The following HS6ST3 variants were observed in gnomAD, a reference collection of about 807,000 sequenced individuals.
The protein encoded by HS6ST3 is heparan sulfate 6-O-sulfotransferase 3, also known as heparan-sulfate 6-O-sulfotransferase 3.
HS6ST3 carries 12 observed loss-of-function variants against 36.7 expected under a neutral mutation model. The ratio of observed to expected loss-of-function variants is 0.33; its 90% confidence interval spans 0.21 to 0.53. The LOEUF (loss-of-function observed/expected upper bound fraction) is 0.53. Among genes scored for constraint, HS6ST3 ranks in the 20% least tolerant of loss-of-function variants. The pLI is 0.95. For synonymous variants in HS6ST3, 240 were observed against 257.5 expected (o/e 0.93, Z 0.65); for missense variants, 584 against 640.9 (o/e 0.91, Z 0.96).
intron 1 of HS6ST3, among the ~76,000 whole-genome samples, chr13:96,399,264 C>T (rs559664888): frequency 6.6e-6 from 1 of 152,062 alleles, no homozygotes; most frequent in Non-Finnish European, 1.5e-5. Flanking sequence ...TTAAAAAGTG[C>T]TATTCATAGT....
intron 1 of HS6ST3, among the ~76,000 whole-genome samples, chr13:96,282,951 G>C (rs147267951): frequency 5.9e-4 from 90 of 152,256 alleles, no homozygotes; most frequent in Non-Finnish European, 1.1e-3. Flanking sequence ...GGTTACCTAA[G>C]AGCAACATTG....
chr13:96,641,376 A>T (rs2056569574), intron 1 of HS6ST3, among the ~76,000 whole-genome samples: 1 of 151,290 alleles, frequency 6.6e-6, no homozygotes, highest in African/African-American at 2.4e-5. Flanking sequence ...TTAAATACTG[A>T]TTTTTTATAC....
intron 1 of HS6ST3, among the ~76,000 whole-genome samples, chr13:96,332,998 G>A (rs781630114): frequency 5.9e-5 from 9 of 152,150 alleles, no homozygotes; most frequent in Admixed American, 2.0e-4. Flanking sequence ...TAGAAAGCAG[G>A]TCCTCCTTAG....
rs117232114 is a variant in HS6ST3 at position 96,812,508 on chromosome 13, T to A, written c.708-19982T>A. On this transcript the variant is annotated intron_variant, in intron 1 of 1. Transcript: ENST00000376705. ...TGTTACCGAGCAAAACCAGCCCTCC[T>A]GAAAAGAGCTCTAAAGTTGACTCTT... 6.2e-3 allele frequency among the ~76,000 whole-genome samples: 951 copies of A among 152,298 alleles called. 5 individuals carry two copies. Among genetic ancestry groups the A allele is most frequent in the Middle Eastern group, 0.014 (4 of 294 alleles).
At chr13:96,409,055 A>C (rs932189127) in intron 1 of HS6ST3, among the ~76,000 whole-genome samples, 6 of 152,258 alleles carry the variant, frequency 3.9e-5, no homozygotes, top group Admixed American at 2.0e-4. Flanking sequence ...AGGGATTCTG[A>C]GTAAACTGTA....
chr13:96,773,578 G>A (rs938648155), intron 1 of HS6ST3, among the ~76,000 whole-genome samples: 3 of 152,202 alleles, frequency 2.0e-5, no homozygotes, highest in Non-Finnish European at 4.4e-5. Context: ...CAACGGGGCA[G>A]AACCCACAGC....
intron 1 of HS6ST3, among the ~76,000 whole-genome samples, chr13:96,341,211 A>G (rs61966940): frequency 0.084 from 12,783 of 152,266 alleles, 581 homozygotes; most frequent in Middle Eastern, 0.12. Context: ...TCTTCAATGT[A>G]TAGATTAAAA....
intron 1 of HS6ST3, among the ~76,000 whole-genome samples, chr13:96,823,981 T>TATCCAAGTGGGGG (rs1200222653): frequency 1.3e-5 from 2 of 152,206 alleles, no homozygotes; most frequent in African/African-American, 4.8e-5. Context: ...CATTATTGCG[T>TATCCAAGTGGGGG]ATCCAAGTGG....
chr13:96,460,170 C>T (rs2055776977), intron 1 of HS6ST3, among the ~76,000 whole-genome samples: 3 of 152,002 alleles, frequency 2.0e-5, no homozygotes, highest in Admixed American at 1.3e-4. Context: ...AGAATTGAAC[C>T]ATTTTTCTAT....
At chr13:96,434,397 C>T (rs931858811) in intron 1 of HS6ST3, among the ~76,000 whole-genome samples, 1 of 152,152 alleles carries the variant, frequency 6.6e-6, no homozygotes, top group Non-Finnish European at 1.5e-5. Context: ...AGTGGTAACC[C>T]AATTCCCTTC....
At chr13:96,428,338 T>A (rs2055597753) in intron 1 of HS6ST3, among the ~76,000 whole-genome samples, 1 of 152,144 alleles carries the variant, frequency 6.6e-6, no homozygotes. Flanking sequence ...AGAGCGAGAC[T>A]CCGTCTCAAA....
intron 1 of HS6ST3, among the ~76,000 whole-genome samples, chr13:96,485,837 C>T (rs1195124709): frequency 2.0e-5 from 3 of 151,930 alleles, no homozygotes; most frequent in African/African-American, 4.8e-5. Flanking sequence ...ACTTCATAGC[C>T]TTCAAATTCT....
At chr13:96,218,545 G>A (rs528293124) in intron 1 of HS6ST3, among the ~76,000 whole-genome samples, 12 of 152,208 alleles carry the variant, frequency 7.9e-5, no homozygotes, top group Non-Finnish European at 1.8e-4. Context: ...TCAGGACCCT[G>A]TCACTCACAG....
At chr13:96,751,617 T>C (rs1477330754) in intron 1 of HS6ST3, among the ~76,000 whole-genome samples, 1 of 152,106 alleles carries the variant, frequency 6.6e-6, no homozygotes, top group Admixed American at 6.6e-5. Flanking sequence ...TATAAATGAA[T>C]ACATTTTTAA....
intron 1 of HS6ST3, among the ~76,000 whole-genome samples, chr13:96,828,814 C>A (rs1324694454): frequency 6.6e-6 from 1 of 152,066 alleles, no homozygotes; most frequent in Non-Finnish European, 1.5e-5. Flanking sequence ...TTTGCTGTTA[C>A]AATTTAAAAC....
At chr13:96,825,793 T>G (rs1878635156) in intron 1 of HS6ST3, among the ~76,000 whole-genome samples, 1 of 152,192 alleles carries the variant, frequency 6.6e-6, no homozygotes, top group Non-Finnish European at 1.5e-5. Flanking sequence ...ACACACAACA[T>G]GAGCTTCCTG....
At chr13:96,401,814 C>G (rs1461911873) in intron 1 of HS6ST3, among the ~76,000 whole-genome samples, 1 of 152,088 alleles carries the variant, frequency 6.6e-6, no homozygotes, top group Non-Finnish European at 1.5e-5. Flanking sequence ...TGTCAAGTGA[C>G]CAGCCTGCCC....
intron 1 of HS6ST3, among the ~76,000 whole-genome samples, chr13:96,509,813 CT>C (rs2056041901): frequency 6.6e-6 from 1 of 152,048 alleles, no homozygotes; most frequent in South Asian, 2.1e-4. Flanking sequence ...CTTAGGATTG[CT>C]TTAGATATTT....
At chr13:96,417,868 T>C (rs1413654776) in intron 1 of HS6ST3, among the ~76,000 whole-genome samples, 1 of 152,048 alleles carries the variant, frequency 6.6e-6, no homozygotes, top group Non-Finnish European at 1.5e-5. Context: ...TTTAGATTCC[T>C]GCAAGCCTCC....
Sources: allele counts gnomAD v4.1 joint callset (sites outside exome capture counted in the v4.1 genomes callset), GRCh38; gene constraint gnomAD v4.1.1; transcripts MANE v1.5; gene names NCBI Gene and HGNC (gene_info 2026-07-23, HGNC 2026-07-21).